Variants in CDH18 observed in about 807,000 individuals in gnomAD.
CDH18 encodes cadherin-18.
CDH18 carries 31 observed loss-of-function variants against 67.9 expected under a neutral mutation model. The observed-to-expected ratio is 0.46, with a 90% CI of 0.34 to 0.62. CDH18 has a LOEUF of 0.62. Among genes scored for constraint, CDH18 ranks in the 20% least tolerant of loss-of-function variants. The pLI is 0.01. For synonymous variants in CDH18, 362 were observed against 347.2 expected (o/e 1.04, Z -0.48); for missense variants, 890 against 975.5 (o/e 0.91, Z 1.17).
chr5:19,637,670 A>T (rs1194214383), intron 5 of CDH18, among the ~76,000 whole-genome samples: 1 of 152,122 alleles, frequency 6.6e-6, no homozygotes, highest in Non-Finnish European at 1.5e-5. Context: ...CTCGTCACCA[A>T]TCACCAGTCA....
At chr5:19,741,274 T>C (rs1228361719) in intron 4 of CDH18, among the ~76,000 whole-genome samples, 4 of 139,870 alleles carry the variant, frequency 2.9e-5, no homozygotes, top group African/African-American at 1.0e-4. Flanking sequence ...TATATACATA[T>C]ATACGTGTAT....
chr5:19,973,395 A>G (rs1798210419), intron 2 of CDH18, among the ~76,000 whole-genome samples: 1 of 152,114 alleles, frequency 6.6e-6, no homozygotes, highest in African/African-American at 2.4e-5. Flanking sequence ...CTTGTGTCCT[A>G]TTATCTATGT....
intron 1 of CDH18, among the ~76,000 whole-genome samples, chr5:20,499,851 G>A (rs373996790): frequency 2.6e-5 from 4 of 152,064 alleles, no homozygotes; most frequent in East Asian, 3.9e-4. Context: ...GCTGTATACT[G>A]ACAAATTGCC....
At chr5:19,644,921 C>A (rs1754516700) in intron 5 of CDH18, among the ~76,000 whole-genome samples, 1 of 152,134 alleles carries the variant, frequency 6.6e-6, no homozygotes, top group Non-Finnish European at 1.5e-5. Context: ...AGGTGCATTC[C>A]CTGAAAAGAG....
At chr5:20,483,362 C>G (rs771710162) in intron 1 of CDH18, among the ~76,000 whole-genome samples, 15 of 151,846 alleles carry the variant, frequency 9.9e-5, no homozygotes, top group Non-Finnish European at 2.2e-4. Flanking sequence ...TAAACAGATT[C>G]AATGCAATTC....
At chr5:19,958,437 CTTATGAACTGCCATCAAGGTCA>C (rs1459234600) in intron 2 of CDH18, among the ~76,000 whole-genome samples, 1 of 134,756 alleles carries the variant, frequency 7.4e-6, no homozygotes, top group Non-Finnish European at 1.6e-5. Flanking sequence ...GTACTTAGGA[CTTATGAACTGCCATCAAGGTCA>C]TTATGAACTG....
At chr5:19,801,158 G>C (rs1445940616) in intron 3 of CDH18, among the ~76,000 whole-genome samples, 1 of 152,002 alleles carries the variant, frequency 6.6e-6, no homozygotes, top group Non-Finnish European at 1.5e-5. Flanking sequence ...CAATAATAGA[G>C]GTGGCATGAA....
chr5:19,881,169 T>C (rs1196329852), intron 2 of CDH18, among the ~76,000 whole-genome samples: 1 of 152,130 alleles, frequency 6.6e-6, no homozygotes, highest in Non-Finnish European at 1.5e-5. Flanking sequence ...TAAGAAAAAT[T>C]ACTAACATTT....
At chr5:20,190,774 G>C (rs2126716377) in intron 2 of CDH18, among the ~76,000 whole-genome samples, 1 of 152,230 alleles carries the variant, frequency 6.6e-6, no homozygotes, top group East Asian at 1.9e-4. Flanking sequence ...AAGGGAATGA[G>C]AGACCTATTA....
chr5:20,157,554 A>G (rs1751630194), intron 2 of CDH18, among the ~76,000 whole-genome samples: 1 of 152,060 alleles, frequency 6.6e-6, no homozygotes, highest in Non-Finnish European at 1.5e-5. Flanking sequence ...CATCACTCAA[A>G]TATTAATAAT....
chr5:19,807,649 CAT>C (rs1265589685), intron 3 of CDH18, among the ~76,000 whole-genome samples: 13 of 152,170 alleles, frequency 8.5e-5, no homozygotes, highest in Admixed American at 5.9e-4. Flanking sequence ...GATTTTTACA[CAT>C]GTTAATTCTC....
At chr5:19,826,793 G>A (rs10078346) in intron 3 of CDH18, among the ~76,000 whole-genome samples, 65,615 of 151,922 alleles carry the variant, frequency 0.43, 14,678 homozygotes, top group Middle Eastern at 0.58. Flanking sequence ...TAAGTGCATA[G>A]ATCATTGACA....
chr5:19,608,657 A>G (rs1206797365), intron 6 of CDH18, among the ~76,000 whole-genome samples: 1 of 151,794 alleles, frequency 6.6e-6, no homozygotes, highest in Non-Finnish European at 1.5e-5. Context: ...TGATCCTCCA[A>G]TATTACATGG....
chr5:19,904,234 A>C (rs1009326724), intron 2 of CDH18, among the ~76,000 whole-genome samples: 1 of 151,352 alleles, frequency 6.6e-6, no homozygotes, highest in Non-Finnish European at 1.5e-5. Context: ...AGATCGCACC[A>C]TTGAACTCCA....
At chr5:19,512,943 T>A (rs1026527705) in intron 10 of CDH18, among the ~76,000 whole-genome samples, 1 of 152,224 alleles carries the variant, frequency 6.6e-6, no homozygotes, top group South Asian at 2.1e-4. Flanking sequence ...ACCCTTTTTC[T>A]GAACTCTTGA....
intron 2 of CDH18, among the ~76,000 whole-genome samples, chr5:20,050,468 C>T (rs1741319514): frequency 1.3e-5 from 2 of 151,748 alleles, no homozygotes; most frequent in South Asian, 2.1e-4. Flanking sequence ...CAATGGTTTA[C>T]AAATGTTTAA....
intron 1 of CDH18, among the ~76,000 whole-genome samples, chr5:20,378,277 T>C (rs1195283230): frequency 6.6e-6 from 1 of 152,160 alleles, no homozygotes; most frequent in Non-Finnish European, 1.5e-5. Flanking sequence ...GTTCACGCCA[T>C]TCTCCTGCCT....
At chr5:20,105,414 A>G (rs907792165) in intron 2 of CDH18, among the ~76,000 whole-genome samples, 4 of 152,222 alleles carry the variant, frequency 2.6e-5, no homozygotes, top group Non-Finnish European at 5.9e-5. Flanking sequence ...TTGTACACGT[A>G]ATATTTCCAA....
At chr5:20,370,699 GA>G (rs1343022320) in intron 1 of CDH18, among the ~76,000 whole-genome samples, 1 of 152,110 alleles carries the variant, frequency 6.6e-6, no homozygotes, top group Non-Finnish European at 1.5e-5. Context: ...CAACTTTGTG[GA>G]GAACATTTTG....
Sources: gnomAD v4.1 joint callset for allele counts (sites outside exome capture counted in the v4.1 genomes callset) on GRCh38, gnomAD v4.1.1 for gene constraint, MANE v1.5 for transcripts, NCBI Gene and HGNC (gene_info 2026-07-23, HGNC 2026-07-21) for gene names.